Variants in TMED7 observed in about 807,000 individuals in gnomAD.
The protein encoded by TMED7 is transmembrane p24 trafficking protein 7.
TMED7 carries 8 observed loss-of-function variants against 23.4 expected under a neutral mutation model. The ratio of observed to expected loss-of-function variants is 0.34; its 90% CI spans 0.20 to 0.62. The LOEUF is 0.62. Among genes scored for constraint, TMED7 ranks in the 20% least tolerant of loss-of-function variants. The pLI is 0.77. For synonymous variants in TMED7, 121 were observed against 108.5 expected, an observed-to-expected ratio of 1.12 and a Z score of -0.72; for missense variants, 232 against 279.1, an observed-to-expected ratio of 0.83 and a Z score of 1.20.
Position 115,615,236 on chromosome 5 carries a change from A to G in TMED7, c.*973T>C, listed in dbSNP as rs1440092627. ...CACGACAAAAAAAAGAAAAAAGGAG[A>G]GCAACTAACTTTTCAGTGCATCACA... On this transcript the variant is annotated 3_prime_UTR_variant, in exon 3 of 3. Transcript: ENST00000456936. The G allele has an allele frequency of 2.0e-5, 3 of 152,584 alleles. No homozygotes were observed. Among genetic ancestry groups the G allele is most frequent in the Non-Finnish European group, 4.4e-5 (3 of 67,972 alleles). 9.5% of individuals were successfully genotyped at this position (152,584 alleles called of 1,614,324 possible). A position where few individuals can be genotyped will look rare whatever the true frequency, so the allele number is the denominator to read the frequency against.
intron 2 of TMED7, among the ~76,000 whole-genome samples, chr5:115,618,734 A>G (rs985700931): frequency 2.8e-4 from 43 of 152,238 alleles, no homozygotes; most frequent in African/African-American, 9.9e-4. Flanking sequence ...TTATCTCTCC[A>G]TTTGTGAATG....
chr5:115,622,076 A>G (rs1035468362), intron 1 of TMED7, among the ~76,000 whole-genome samples: 3 of 152,210 alleles, frequency 2.0e-5, no homozygotes, highest in Admixed American at 1.3e-4. Context: ...GGATTTACCA[A>G]TCCCCATCCT....
At chr5:115,624,019 C>T (rs1057123271) in intron 1 of TMED7, among the ~76,000 whole-genome samples, 83 of 152,168 alleles carry the variant, frequency 5.5e-4, no homozygotes, top group Non-Finnish European at 3.5e-4. Context: ...AGAGCTATAA[C>T]AATTTCATAT....
intron 1 of TMED7, among the ~76,000 whole-genome samples, chr5:115,625,347 G>T (rs996707024): frequency 5.3e-5 from 8 of 152,100 alleles, no homozygotes; most frequent in African/African-American, 1.9e-4. Flanking sequence ...AAGTTCAATA[G>T]GCCTTAAAAA....
rs748215915 is a variant in TMED7, at chr5:115,625,975, G to A, written c.-183C>T. On this transcript the variant is annotated 5_prime_UTR_variant, in exon 1 of 3. Coordinates refer to ENST00000456936, the MANE Select transcript of TMED7 (RefSeq NM_181836.6). ...CCGGCTTCCTGTGAGGGGCGCAGAC[G>A]GGCGGACCTGGGGAGGTAAAAGAGA... is the stretch of plus-strand genomic sequence containing the variant. 1 of 779,256 alleles carries A rather than the reference G, an allele frequency of 1.3e-6. No homozygotes were observed. The highest frequency in any genetic ancestry group is 1.8e-6 in the Non-Finnish European group (1 of 566,458). The allele number at this position is 779,256 out of a possible 1,614,324, so 48.3% of individuals were successfully genotyped here.
In TMED7 at chr5:115,626,024, G is replaced by A; in HGVS notation, c.-232C>T. ...GAAGCGGAAAAGGCCTGAGAGGGTCGGAAGTGGGGATTAGCCTTTCGGGGG... is the reference window on the plus strand; with the variant it reads ...GAAGCGGAAAAGGCCTGAGAGGGTCAGAAGTGGGGATTAGCCTTTCGGGGG... On this transcript the variant is annotated 5_prime_UTR_variant, in exon 1 of 3. Coordinates refer to ENST00000456936, the MANE Select transcript of TMED7 (RefSeq NM_181836.6). 1 of 453,476 alleles carries A rather than the reference G, an allele frequency of 2.2e-6. No homozygotes were observed. Among genetic ancestry groups the A allele is most frequent in the Non-Finnish European group, 3.6e-6 (1 of 280,772 alleles). The allele number at this position is 453,476 out of a possible 1,614,324, so 28.1% of individuals were successfully genotyped here.
In TMED7 at chr5:115,614,354, T is replaced by C. The variant is rs373804324; in HGVS notation, c.*1855A>G. ...AATGAGTGCACTATCTATGCCAAAC[T>C]CAGCAAGTCTATAACTTACTGTTTA... On this transcript the variant is annotated 3_prime_UTR_variant, in exon 3 of 3. Transcript: ENST00000456936. 9.8e-5 allele frequency: 15 copies of C among 152,542 alleles called. No individual in the cohort carries two copies. Among genetic ancestry groups the C allele is most frequent in the East Asian group, 5.8e-4 (3 of 5,200 alleles). The allele number at this position is 152,542 out of a possible 1,614,324, so 9.4% of individuals were successfully genotyped here.
At position 115,616,401 on chromosome 5, in the gene TMED7, G is replaced by C; in HGVS notation, c.483C>G (p.Val161=). The change falls in exon 3 of 3, where the codon GTC becomes GTG. Residue 161 remains valine (V), a synonymous_variant. Transcript: ENST00000456936. ...CVSIHEALKS[V]IDYQTHFRLR... ...AACGGAAATGAGTCTGATAATCGAT[G>C]ACAGACTTCAGAGCTTCGTGAATTG... 2 of 1,614,158 alleles carry C rather than the reference G, an allele frequency of 1.2e-6. No homozygotes were observed. Among genetic ancestry groups the C allele is most frequent in the Non-Finnish European group, 1.7e-6 (2 of 1,179,996 alleles).
Position 115,613,577 on chromosome 5 carries a change from G to T in TMED7, c.*2632C>A, listed in dbSNP as rs542663601. On this transcript the variant is annotated 3_prime_UTR_variant, in exon 3 of 3. Transcript: ENST00000456936. ...CTGTTAAAGAAATTTCTTTTCAAAA[G>T]TAAATGAAAAACCCCTCTGAATTAT... The T allele has an allele frequency of 2.6e-5, 4 of 151,988 alleles. No individual in the cohort carries two copies. The highest frequency in any genetic ancestry group is 1.3e-4 in the Admixed American group (2 of 15,272). 9.4% of individuals were successfully genotyped at this position (151,988 alleles called of 1,614,324 possible).
At chr5:115,623,098 A>T (rs958432660) in intron 1 of TMED7, among the ~76,000 whole-genome samples, 42 of 152,278 alleles carry the variant, frequency 2.8e-4, no homozygotes, top group African/African-American at 9.9e-4. Flanking sequence ...CTTGGGACTG[A>T]AAAGAGCCCC....
intron 1 of TMED7, among the ~76,000 whole-genome samples, chr5:115,623,597 C>T (rs1423810570): frequency 6.6e-6 from 1 of 152,124 alleles, no homozygotes; most frequent in East Asian, 1.9e-4. Flanking sequence ...ATTTTCAATG[C>T]CATGCACAAA....
chr5:115,616,246 G>T lies in TMED7; in HGVS notation c.638C>A (p.Ser213Ter), dbSNP rs779646279. 6.2e-7 allele frequency: 1 copy of T among 1,614,114 alleles called. No homozygotes were observed. Among genetic ancestry groups the T allele is most frequent in the East Asian group, 2.2e-5 (1 of 44,872 alleles). Residue 213 changes from serine (S) to a stop codon, truncating the protein, a stop_gained, in exon 3 of 3, where the codon TCA (serine) becomes TAA (stop). Coordinates refer to ENST00000456936, the MANE Select transcript of TMED7 (RefSeq NM_181836.6). LOFTEE classifies it high-confidence loss of function. ...ACGAGTTGTGGTGGTTCTTTTATCT[G>T]AGAAAAAGCTTTTCAAAAGAAATAC... ...GQVFLLKSFF[S>*]DKRTTTTRVG...
chr5:115,623,394 G>A (rs977469166), intron 1 of TMED7, among the ~76,000 whole-genome samples: 1 of 152,208 alleles, frequency 6.6e-6, no homozygotes, highest in Non-Finnish European at 1.5e-5. Context: ...GTGGTCTCAT[G>A]AAGACCAGGA....
intron 2 of TMED7, among the ~76,000 whole-genome samples, chr5:115,617,135 C>T (rs1756798991): frequency 1.3e-5 from 2 of 152,150 alleles, no homozygotes; most frequent in South Asian, 4.1e-4. Context: ...CTGATAACAG[C>T]TTGCCTTTTT....
Position 115,616,352 on chromosome 5 carries a change from G to A in TMED7, c.532C>T (p.Arg178Ter). ...ACTCTTGTATTTAGATCCTCTGCTC[G>A]GCTTCGGCCTTGAGCTTCTCTTAAA... ...FRLREAQGRSRAEDLNTRVAY... is the reference protein window; with the variant it reads ...FRLREAQGRS Residue 178 changes from arginine (R) to a stop codon, truncating the protein, a stop_gained, in exon 3 of 3, where the codon CGA (arginine) becomes TGA (stop). Coordinates refer to ENST00000456936, the MANE Select transcript of TMED7 (RefSeq NM_181836.6). LOFTEE classifies it high-confidence loss of function. The A allele has an allele frequency of 6.2e-7, 1 of 1,614,116 alleles. No individual in the cohort carries two copies. The highest frequency in any genetic ancestry group is 8.5e-7 in the Non-Finnish European group (1 of 1,179,998).
chr5:115,617,869 C>A (rs950056911), intron 2 of TMED7, among the ~76,000 whole-genome samples: 2 of 152,192 alleles, frequency 1.3e-5, no homozygotes, highest in Admixed American at 6.5e-5. Context: ...TCTTGGCTCA[C>A]TGCAACTTCC....
intron 2 of TMED7, among the ~76,000 whole-genome samples, chr5:115,617,323 T>C (rs1756809628): frequency 1.3e-5 from 2 of 152,324 alleles, no homozygotes; most frequent in South Asian, 4.1e-4. Context: ...AAGTTTGTTT[T>C]AATTTTAGTT....
rs1756567424 is a variant in TMED7 at position 115,613,754 on chromosome 5, G to C, written c.*2455C>G. 2 of 152,444 alleles carry C rather than the reference G, an allele frequency of 1.3e-5. No individual in the cohort carries two copies. Among genetic ancestry groups the C allele is most frequent in the Admixed American group, 6.5e-5 (1 of 15,268 alleles). 9.4% of individuals were successfully genotyped at this position (152,444 alleles called of 1,614,324 possible). On this transcript the variant is annotated 3_prime_UTR_variant, in exon 3 of 3. Transcript: ENST00000456936. ...GAATAAATTTGCTTTTCAGTCCACTGTATTTTCAAAATTGATTATCACCAA... is the reference window on the plus strand; with the variant it reads ...GAATAAATTTGCTTTTCAGTCCACTCTATTTTCAAAATTGATTATCACCAA...
At position 115,625,923 on chromosome 5, in the gene TMED7, T is replaced by C. The variant is rs73260574; in HGVS notation, c.-131A>G. ...ACACAGCAGAGCAGGTTCACGCCTG[T>C]GGGAGATTCGGGATCAGAGCGACCC... is the stretch of plus-strand genomic sequence containing the variant. On this transcript the variant is annotated 5_prime_UTR_variant, in exon 1 of 3. Coordinates refer to ENST00000456936, the MANE Select transcript of TMED7 (RefSeq NM_181836.6). The C allele has an allele frequency of 1.8e-3, 2,159 of 1,224,854 alleles. 33 individuals are homozygous for C. In the African/African-American group the frequency reaches 0.032, roughly 18 times the overall value. The allele number at this position is 1,224,854 out of a possible 1,614,324, so 75.9% of individuals were successfully genotyped here.
Sources: allele counts gnomAD v4.1 joint callset (sites outside exome capture counted in the v4.1 genomes callset), GRCh38; gene constraint gnomAD v4.1.1; transcripts MANE v1.5; gene names NCBI Gene and HGNC (gene_info 2026-07-23, HGNC 2026-07-21).